KCNJ6: variants seen among roughly 807,000 people sequenced by gnomAD.
KCNJ6 encodes potassium inwardly rectifying channel subfamily J member 6.
KCNJ6 carries 9 observed loss-of-function variants against 34.2 expected under a neutral mutation model. That is an observed-to-expected ratio of 0.26 (90% confidence interval 0.16 to 0.46). KCNJ6 has a LOEUF of 0.46. Ranked by LOEUF, KCNJ6 falls within the 20% of genes least tolerant of loss-of-function variation. KCNJ6 has a pLI of 1.00. For synonymous variants in KCNJ6, 196 were observed against 207.1 expected (o/e 0.95, Z 0.46); for missense variants, 236 against 531.3 (o/e 0.44, Z 5.46).
chr21:37,643,067 G>A (rs569353046), intron 3 of KCNJ6, among the ~76,000 whole-genome samples: 134 of 152,280 alleles, frequency 8.8e-4, no homozygotes, highest in African/African-American at 3.0e-3. Flanking sequence ...TGGGTGGTGG[G>A]GGGGACAGCT....
chr21:37,721,249 G>A (rs535024215), intron 2 of KCNJ6, among the ~76,000 whole-genome samples: 160 of 152,222 alleles, frequency 1.1e-3, no homozygotes, highest in Non-Finnish European at 1.4e-3. Context: ...TCTATTAGAT[G>A]GTTATTATTT....
rs2054275520 is a variant in KCNJ6, at chr21:37,617,216, CCTTCTTTTCTTTCTTT to C, written c.*7927_*7942del. Reference sequence around the variant, plus strand: ...TCCTTCCTTCCTTCCTTCCTTCCTTCCTTCTTTTCTTTCTTTTTTTGAGACTGAGTCTCGCTCCGTG... The same window carrying C: ...TCCTTCCTTCCTTCCTTCCTTCCTTCTTTTGAGACTGAGTCTCGCTCCGTG... On this transcript the variant is annotated 3_prime_UTR_variant, in exon 4 of 4. Coordinates refer to ENST00000609713, the MANE Select transcript of KCNJ6 (RefSeq NM_002240.5). The C allele has an allele frequency of 7.7e-6, 1 of 130,542 alleles. No individual in the cohort carries two copies. The highest frequency in any genetic ancestry group is 3.0e-5 in the African/African-American group (1 of 33,240). 8.1% of individuals were successfully genotyped at this position (130,542 alleles called of 1,614,324 possible).
intron 1 of KCNJ6, among the ~76,000 whole-genome samples, chr21:37,846,578 G>A (rs1425554792): frequency 2.0e-5 from 3 of 152,180 alleles, no homozygotes; most frequent in African/African-American, 7.2e-5. Flanking sequence ...CTGCTACCCA[G>A]AAGTAGGCTT....
intron 1 of KCNJ6, among the ~76,000 whole-genome samples, chr21:37,855,913 CA>C (rs775564860): frequency 6.6e-6 from 1 of 152,202 alleles, no homozygotes; most frequent in Non-Finnish European, 1.5e-5. Context: ...CAAGCACGGC[CA>C]GGGGCCTCTG....
chr21:37,814,493 C>T (rs190741385), intron 2 of KCNJ6, among the ~76,000 whole-genome samples: 21 of 152,274 alleles, frequency 1.4e-4, no homozygotes, highest in African/African-American at 4.6e-4. Flanking sequence ...ATGTTTATTA[C>T]AGCACTGTTC....
chr21:37,741,001 C>CT (rs2054938738), intron 2 of KCNJ6, among the ~76,000 whole-genome samples: 1 of 152,222 alleles, frequency 6.6e-6, no homozygotes, highest in African/African-American at 2.4e-5. Context: ...TCTTCAGCCT[C>CT]TTTTTCTTCT....
intron 2 of KCNJ6, among the ~76,000 whole-genome samples, chr21:37,828,076 G>A (rs1469548973): frequency 6.6e-6 from 1 of 152,178 alleles, no homozygotes; most frequent in Non-Finnish European, 1.5e-5. Context: ...CTCTGTGGAC[G>A]GCAGGGATGT....
chr21:37,872,049 G>A (rs969284133), intron 1 of KCNJ6, among the ~76,000 whole-genome samples: 2 of 152,172 alleles, frequency 1.3e-5, no homozygotes, highest in African/African-American at 4.8e-5. Flanking sequence ...GAGAAGGTTG[G>A]TTATTAAACA....
intron 2 of KCNJ6, among the ~76,000 whole-genome samples, chr21:37,816,842 G>C (rs1365714867): frequency 6.6e-6 from 1 of 152,170 alleles, no homozygotes; most frequent in Non-Finnish European, 1.5e-5. Context: ...CCGGTCCATA[G>C]AGAAGCAAGC....
chr21:37,800,530 G>C (rs2055263961), intron 2 of KCNJ6, among the ~76,000 whole-genome samples: 1 of 152,086 alleles, frequency 6.6e-6, no homozygotes, highest in Admixed American at 6.5e-5. Context: ...TCTCATCTGG[G>C]TGATTTTTCT....
intron 1 of KCNJ6, among the ~76,000 whole-genome samples, chr21:37,843,478 T>A (rs868426897): frequency 6.6e-6 from 1 of 152,224 alleles, no homozygotes; most frequent in Non-Finnish European, 1.5e-5. Context: ...AAACTCCTTA[T>A]GTCCTTCCCT....
intron 2 of KCNJ6, among the ~76,000 whole-genome samples, chr21:37,836,517 A>G (rs2055452414): frequency 6.6e-6 from 1 of 152,228 alleles, no homozygotes; most frequent in African/African-American, 2.4e-5. Context: ...AGACTGGATA[A>G]AGAAAATGTG....
At position 37,865,029 on chromosome 21, in the gene KCNJ6, A is replaced by T. The variant is rs569792419; in HGVS notation, c.-27-24320T>A. Among the ~76,000 whole-genome samples the T allele has an allele frequency of 5.3e-5, 8 of 152,252 alleles. No homozygotes were observed. In the South Asian group the frequency reaches 1.7e-3, roughly 32 times the overall value. ...CCAGAAAAAGATGTTCTCTATGCCC[A>T]TGAGGCTTCAAGAGAAGCTGGTTTC... is the stretch of plus-strand genomic sequence containing the variant. On this transcript the variant is annotated intron_variant, in intron 1 of 3. Coordinates refer to ENST00000609713, the MANE Select transcript of KCNJ6 (RefSeq NM_002240.5).
chr21:37,845,903 C>T (rs2055504364), intron 1 of KCNJ6, among the ~76,000 whole-genome samples: 2 of 152,180 alleles, frequency 1.3e-5, no homozygotes, highest in East Asian at 3.9e-4. Flanking sequence ...TGCTATTTTG[C>T]TCTAGGAGGC....
chr21:37,778,696 C>CGTGT (rs61218477), intron 2 of KCNJ6, among the ~76,000 whole-genome samples: 33,507 of 146,090 alleles, frequency 0.23, 3,878 homozygotes, highest in African/African-American at 0.26. Context: ...GTGCTGTGTG[C>CGTGT]GTGTGTGTGT....
In KCNJ6 at chr21:37,807,191, T is replaced by C. The variant is rs1218481946; in HGVS notation, c.25+33467A>G. Among the ~76,000 whole-genome samples the C allele has an allele frequency of 2.6e-5, 4 of 152,346 alleles. No individual in the cohort carries two copies. In the East Asian group the frequency reaches 7.7e-4, roughly 29 times the overall value. ...ACACTTACCCCATATGTCGGGAACA[T>C]TGAGTGTAGTTAGCTAATGTTATAT... On this transcript the variant is annotated intron_variant, in intron 2 of 3. Coordinates refer to ENST00000609713, the MANE Select transcript of KCNJ6 (RefSeq NM_002240.5).
chr21:37,684,775 C>T (rs933997901), intron 3 of KCNJ6, among the ~76,000 whole-genome samples: 2 of 152,106 alleles, frequency 1.3e-5, no homozygotes, highest in African/African-American at 2.4e-5. Context: ...GCTGCCCAGC[C>T]GAGTCAGCGG....
chr21:37,819,035 T>C (rs1214852923), intron 2 of KCNJ6, among the ~76,000 whole-genome samples: 1 of 152,184 alleles, frequency 6.6e-6, no homozygotes, highest in Non-Finnish European at 1.5e-5. Flanking sequence ...AGAACTCTTT[T>C]TGTATCATTA....
chr21:37,843,633 A>G (rs905105553), intron 1 of KCNJ6, among the ~76,000 whole-genome samples: 25 of 152,222 alleles, frequency 1.6e-4, no homozygotes, highest in African/African-American at 6.0e-4. Context: ...TTGGATTTAC[A>G]TTACTGGGAA....
Sources: allele counts gnomAD v4.1 joint callset (sites outside exome capture counted in the v4.1 genomes callset), GRCh38; gene constraint gnomAD v4.1.1; transcripts MANE v1.5; gene names NCBI Gene and HGNC (gene_info 2026-07-23, HGNC 2026-07-21).